The following UGT2B15 variants were observed in gnomAD, a reference collection of about 807,000 sequenced individuals.
The protein encoded by UGT2B15 is UDP-glucuronosyltransferase 2B15.
A neutral mutation model predicts 45.9 loss-of-function variants in UGT2B15; 36 were observed. The observed-to-expected ratio is 0.78, with a 90% CI of 0.60 to 1.04. UGT2B15 has a LOEUF of 1.04. Among genes scored for constraint, UGT2B15 ranks in the 50% least tolerant of loss-of-function variants. UGT2B15 has a pLI of 0.00. For missense variants in UGT2B15, 617 were observed against 622.4 expected, an observed-to-expected ratio of 0.99 and a Z score of 0.09; for synonymous variants, 219 against 216.4, an observed-to-expected ratio of 1.01 and a Z score of -0.11.
At chr4:68,663,723 G>A (rs1288637633) in intron 2 of UGT2B15, among the ~76,000 whole-genome samples, 6 of 151,718 alleles carry the variant, frequency 4.0e-5, no homozygotes, top group Non-Finnish European at 7.4e-5. Flanking sequence ...CTTAAAGTTA[G>A]GGTTTCCTAG....
Sources: gnomAD v4.1 joint callset for allele counts (sites outside exome capture counted in the v4.1 genomes callset) on GRCh38, gnomAD v4.1.1 for gene constraint, MANE v1.5 for transcripts, NCBI Gene and HGNC (gene_info 2026-07-23, HGNC 2026-07-21) for gene names.